Variants in NKTR observed in about 807,000 individuals in gnomAD.
The protein encoded by NKTR is natural killer cell triggering receptor.
NKTR carries 67 observed loss-of-function variants against 156.3 expected under a neutral mutation model. The observed-to-expected ratio is 0.43, with a 90% CI of 0.35 to 0.53. NKTR has a LOEUF of 0.53. Ranked by LOEUF, NKTR falls within the 20% of genes least tolerant of loss-of-function variation. The pLI, the probability that NKTR is intolerant of heterozygous loss-of-function variation, is 0.01. For synonymous variants in NKTR, 640 were observed against 596.6 expected, an observed-to-expected ratio of 1.07 and a Z score of -1.06; for missense variants, 1,604 against 1,730.9, an observed-to-expected ratio of 0.93 and a Z score of 1.30.
intron 3 of NKTR, 41 bp downstream of exon 3, chr3:42,617,685 A>T: frequency 9.5e-7 from 1 of 1,054,224 alleles, no homozygotes; most frequent in African/African-American, 1.6e-5. Flanking sequence ...TGTGGCTTAC[A>T]GTTTTACCTT....
intron 6 of NKTR, chr3:42,628,282 C>T: frequency 1.0e-6 from 1 of 985,308 alleles, no homozygotes; most frequent in Non-Finnish European, 1.2e-6. Context: ...TCATTCGTGT[C>T]TTCATTTGTT....
At chr3:42,630,005 G>A in intron 6 of NKTR, 2 of 985,386 alleles carry the variant, frequency 2.0e-6, no homozygotes, top group Non-Finnish European at 2.4e-6. Flanking sequence ...GAAGGAAGAT[G>A]GGCAGGAATT....
At chr3:42,635,122 A>G (rs945162789) in intron 11 of NKTR, 99 bp from the exon 12 acceptor site, 19 of 683,818 alleles carry the variant, frequency 2.8e-5, no homozygotes, top group Non-Finnish European at 4.4e-5. Context: ...ATTACCTTTG[A>G]TGGGATGATC....
intron 2 of NKTR, among the ~76,000 whole-genome samples, chr3:42,604,659 CTTTTTTTTTTTTTTTTTTTTTTTTTTTTT>C (rs71072726): frequency 2.2e-5 from 1 of 45,282 alleles, no homozygotes; most frequent in Admixed American, 3.1e-4. Flanking sequence ...TATTTCTCTC[CTTTTTTTTTTTTTTTTTTTTTTTTTTTTT>C]TTTTTTTTTT....
chr3:42,623,128 C>T (rs749921363), intron 6 of NKTR, among the ~76,000 whole-genome samples: 3 of 151,696 alleles, frequency 2.0e-5, no homozygotes, highest in African/African-American at 4.8e-5. Flanking sequence ...TTAGTACTTG[C>T]TTCAGTGTTT....
intron 6 of NKTR, chr3:42,628,512 A>G (rs936842536): frequency 6.1e-6 from 6 of 985,418 alleles, no homozygotes; most frequent in Non-Finnish European, 7.2e-6. Flanking sequence ...CTATCAGCCA[A>G]GATGGCAAAT....
At chr3:42,625,647 T>C (rs1370896024) in intron 6 of NKTR, among the ~76,000 whole-genome samples, 1 of 152,160 alleles carries the variant, frequency 6.6e-6, no homozygotes, top group East Asian at 1.9e-4. Flanking sequence ...ATTCATAAAT[T>C]TATGTAAGAA....
chr3:42,618,175 AC>A (rs1162887836), intron 3 of NKTR, among the ~76,000 whole-genome samples: 1 of 151,818 alleles, frequency 6.6e-6, no homozygotes, highest in Non-Finnish European at 1.5e-5. Flanking sequence ...ACATGGTGAA[AC>A]CCCGTCTCTA....
rs1392315082 is a variant in NKTR, at chr3:42,638,537, A to G, written c.2833A>G (p.Asn945Asp). ...CACAAATACTTCACTGCCTGATGAT[A>G]ATGGTGCTTGGAAATCAAGCAAACA... ...SSTNTSLPDD[N>D]GAWKSSKQRT... The change falls in exon 13 of 17, where the codon AAT (asparagine) becomes GAT (aspartate). Residue 945 changes from asparagine (N) to aspartate (D), a missense_variant. Physicochemically the swap from Asn to Asp is conservative, Grantham distance 23. Around this residue, in one of 6 missense-constraint regions of NKTR, gnomAD observed 1,255 missense variants for 1,243.7 expected, o/e 1.01. Transcript: ENST00000232978. 7 of 1,613,648 alleles carry G rather than the reference A, an allele frequency of 4.3e-6. No individual in the cohort carries two copies. The highest frequency in any genetic ancestry group is 8.5e-7 in the Non-Finnish European group (1 of 1,179,926).
chr3:42,615,136 T>C (rs1707227008), intron 2 of NKTR, among the ~76,000 whole-genome samples: 1 of 151,804 alleles, frequency 6.6e-6, no homozygotes, highest in African/African-American at 2.4e-5. Flanking sequence ...TGGAGTGCAG[T>C]GATGCAACCT....
At chr3:42,612,501 CA>C (rs1189369862) in intron 2 of NKTR, 1 of 152,178 alleles carries the variant, frequency 6.6e-6, no homozygotes, top group Non-Finnish European at 1.5e-5. Context: ...GCAGCTCTAA[CA>C]TCCGGCCTCA....
At chr3:42,631,786 G>A (rs1708927338) in intron 8 of NKTR, among the ~76,000 whole-genome samples, 1 of 152,162 alleles carries the variant, frequency 6.6e-6, no homozygotes. Context: ...GGCCCTGGCT[G>A]GTCTGGCTCT....
In NKTR at chr3:42,638,971, C is replaced by T. The variant is rs150244748; in HGVS notation, c.3267C>T (p.Leu1089=). Residue 1089 remains leucine, a synonymous_variant, in exon 13 of 17, where the codon CTC becomes CTT. Transcript: ENST00000232978. The stretch of plus-strand genomic sequence containing the variant: ...AGTTTACTAAAGATGATAGTAAACT[C>T]AGTATTTCTCCCACAGCTTTAAATA... ...LDQFTKDDSK[L]SISPTALNTE... The T allele has an allele frequency of 1.2e-6, 2 of 1,613,600 alleles. No individual in the cohort carries two copies. Among genetic ancestry groups the T allele is most frequent in the Non-Finnish European group, 1.7e-6 (2 of 1,179,778 alleles).
At chr3:42,622,904 G>A (rs1160997559) in intron 6 of NKTR, among the ~76,000 whole-genome samples, 2 of 151,748 alleles carry the variant, frequency 1.3e-5, no homozygotes, top group Non-Finnish European at 2.9e-5. Context: ...ACCATTTGAG[G>A]GCTCTAAAGT....
intron 12 of NKTR, 128 bp downstream of exon 12, chr3:42,635,494 A>T: frequency 1.4e-6 from 1 of 700,250 alleles, no homozygotes; most frequent in Non-Finnish European, 2.3e-6. Context: ...TGACCAAAGG[A>T]AATACATTTG....
At chr3:42,602,967 A>C (rs924721602) in intron 2 of NKTR, 1 of 151,034 alleles carries the variant, frequency 6.6e-6, no homozygotes, top group African/African-American at 2.4e-5. Context: ...CAGAGGTTGC[A>C]GTGAGTAGAG....
chr3:42,611,827 G>A (rs1392222388), intron 2 of NKTR, among the ~76,000 whole-genome samples: 1 of 152,024 alleles, frequency 6.6e-6, no homozygotes, highest in African/African-American at 2.4e-5. Flanking sequence ...ATGAGGATGC[G>A]TATTTTCTTT....
Position 42,644,003 on chromosome 3 carries a change from G to C in NKTR, c.4301G>C (p.Arg1434Thr). 6.2e-7 allele frequency: 1 copy of C among 1,611,740 alleles called. No homozygotes were observed. The highest frequency in any genetic ancestry group is 1.3e-5 in the African/African-American group (1 of 74,942). Reference protein sequence around the residue: ...HRGRSYNRRSRSCRSYGSDSE... With the variant: ...HRGRSYNRRSTSCRSYGSDSE... Reference sequence around the variant, plus strand: ...GGCAGAAGTTATAATCGGCGGTCCAGGTGGGTCTCTCTCCTTTATCGTCCT... The same window carrying C: ...GGCAGAAGTTATAATCGGCGGTCCACGTGGGTCTCTCTCCTTTATCGTCCT... Residue 1434 changes from arginine (R) to threonine (T), a missense_variant and splice_region_variant, in exon 16 of 17, where the codon AGG (arginine) becomes ACG (threonine). Coordinates refer to ENST00000232978, the MANE Select transcript of NKTR (RefSeq NM_005385.4).
intron 2 of NKTR, among the ~76,000 whole-genome samples, chr3:42,607,415 T>C (rs1009875208): frequency 3.9e-5 from 6 of 152,060 alleles, no homozygotes; most frequent in Non-Finnish European, 8.8e-5. Flanking sequence ...TTATTTAAAA[T>C]GGAGGAAAAT....
Sources: allele counts gnomAD v4.1 joint callset (sites outside exome capture counted in the v4.1 genomes callset), GRCh38; gene constraint gnomAD v4.1.1; regional missense constraint gnomAD v4.1.1; transcripts MANE v1.5; gene names NCBI Gene and HGNC (gene_info 2026-07-23, HGNC 2026-07-21).